GSK3B: variants seen among roughly 807,000 people sequenced by gnomAD.
GSK3B encodes glycogen synthase kinase-3 beta.
A neutral mutation model predicts 56.4 loss-of-function variants in GSK3B; 15 were observed. The ratio of observed to expected loss-of-function variants is 0.27; its 90% confidence interval spans 0.18 to 0.41. The LOEUF (loss-of-function observed/expected upper bound fraction) is 0.41. Among genes scored for constraint, GSK3B ranks in the 10% least tolerant of loss-of-function variants. The pLI is 1.00. For synonymous variants in GSK3B, 181 were observed against 188.9 expected (o/e 0.96, Z 0.34); for missense variants, 300 against 513.4 (o/e 0.58, Z 4.02).
chr3:119,865,462 ATATATTTTTTTT>A (rs1223520731), intron 8 of GSK3B, among the ~76,000 whole-genome samples: 6 of 27,130 alleles, frequency 2.2e-4, no homozygotes, highest in East Asian at 1.4e-3. Flanking sequence ...ATATATATAT[ATATATTTTTTTT>A]TTTTTTTTTT....
chr3:120,052,811 T>C (rs184779273), intron 1 of GSK3B, among the ~76,000 whole-genome samples: 3 of 152,338 alleles, frequency 2.0e-5, no homozygotes, highest in Admixed American at 2.0e-4. Context: ...TAACAGCTGT[T>C]TACTGAGTAA....
chr3:119,959,419 G>A (rs1182505482), intron 2 of GSK3B, among the ~76,000 whole-genome samples: 1 of 150,944 alleles, frequency 6.6e-6, no homozygotes, highest in African/African-American at 2.4e-5. Context: ...TCTACCCATA[G>A]CTTTCCCCAT....
chr3:119,997,039 T>C (rs772380372), intron 2 of GSK3B, among the ~76,000 whole-genome samples: 5 of 152,176 alleles, frequency 3.3e-5, no homozygotes, highest in Non-Finnish European at 5.9e-5. Flanking sequence ...AATCAGTGTC[T>C]AATCATAATA....
chr3:119,907,691 G>A (rs1452768100), intron 6 of GSK3B, among the ~76,000 whole-genome samples: 2 of 152,220 alleles, frequency 1.3e-5, no homozygotes, highest in Non-Finnish European at 2.9e-5. Context: ...TCGGGTTCAT[G>A]TTAAAGTGAT....
At chr3:120,093,311 G>C (rs1181156138) in intron 1 of GSK3B, 36 bp downstream of exon 1, 2 of 1,297,116 alleles carry the variant, frequency 1.5e-6, no homozygotes, top group African/African-American at 1.5e-5. Flanking sequence ...TTAAGGGCGA[G>C]GTGGAAAAGG....
intron 8 of GSK3B, among the ~76,000 whole-genome samples, chr3:119,874,069 C>A (rs866731940): frequency 7.2e-5 from 11 of 152,162 alleles, no homozygotes; most frequent in Non-Finnish European, 1.2e-4. Flanking sequence ...AGATTTACAG[C>A]ATACATATTT....
chr3:119,880,310 C>T lies in GSK3B; in HGVS notation c.814-3802G>A, dbSNP rs567433156. Reference sequence around the variant, plus strand: ...TCAGATCTTTTGTCCATTTCAAAATCAGATTATTAGATATTTTTCCTATAA... The same window carrying T: ...TCAGATCTTTTGTCCATTTCAAAATTAGATTATTAGATATTTTTCCTATAA... On this transcript the variant is annotated intron_variant, in intron 7 of 10. Coordinates refer to ENST00000264235, the MANE Select transcript of GSK3B (RefSeq NM_001146156.2). Among the ~76,000 whole-genome samples, 3 of 152,268 alleles carry T rather than the reference C, an allele frequency of 2.0e-5. No individual in the cohort carries two copies. The East Asian group carries it at 5.8e-4, about 29-fold the overall frequency.
chr3:119,850,773 T>G (rs988074213), intron 9 of GSK3B, among the ~76,000 whole-genome samples: 1 of 152,124 alleles, frequency 6.6e-6, no homozygotes, highest in African/African-American at 2.4e-5. Context: ...GTATGTATTC[T>G]TGAAGGCAGA....
intron 1 of GSK3B, among the ~76,000 whole-genome samples, chr3:120,037,935 AAAAATATAT>A (rs2058035896): frequency 6.6e-6 from 1 of 152,194 alleles, no homozygotes; most frequent in Non-Finnish European, 1.5e-5. Flanking sequence ...CTGATGAATA[AAAAATATAT>A]AAAACATCTA....
intron 2 of GSK3B, among the ~76,000 whole-genome samples, chr3:119,977,383 T>C (rs1047322849): frequency 1.1e-4 from 17 of 152,152 alleles, no homozygotes; most frequent in Non-Finnish European, 7.3e-5. Flanking sequence ...ATTCCCAGCC[T>C]ATATGACTGA....
chr3:119,898,625 A>G (rs1306383934), intron 7 of GSK3B, among the ~76,000 whole-genome samples: 1 of 152,118 alleles, frequency 6.6e-6, no homozygotes, highest in Non-Finnish European at 1.5e-5. Flanking sequence ...TAGAGGCTAT[A>G]AATTGAGCTA....
At chr3:120,001,455 C>T (rs1333100593) in intron 2 of GSK3B, among the ~76,000 whole-genome samples, 3 of 152,338 alleles carry the variant, frequency 2.0e-5, no homozygotes, top group African/African-American at 7.2e-5. Flanking sequence ...GATGCACCTA[C>T]TCGCCCTTCA....
intron 2 of GSK3B, among the ~76,000 whole-genome samples, chr3:119,948,327 A>G (rs1334503309): frequency 2.6e-5 from 4 of 152,194 alleles, no homozygotes; most frequent in African/African-American, 9.6e-5. Flanking sequence ...AGAACCAGAT[A>G]AAGATAGCTA....
intron 1 of GSK3B, among the ~76,000 whole-genome samples, chr3:120,027,379 GAAAA>G (rs199837392): frequency 8.9e-6 from 1 of 112,478 alleles, no homozygotes. Context: ...TCTGTCTCAG[GAAAA>G]AAAAAAAAAA....
At chr3:119,907,604 T>C (rs78324562) in intron 6 of GSK3B, among the ~76,000 whole-genome samples, 3,943 of 152,172 alleles carry the variant, frequency 0.026, 174 homozygotes, top group African/African-American at 0.089. Flanking sequence ...ACCGGAAAAA[T>C]AGAAATAGTG....
chr3:119,884,846 T>C (rs1015178100), intron 7 of GSK3B, among the ~76,000 whole-genome samples: 8 of 151,980 alleles, frequency 5.3e-5, no homozygotes, highest in Non-Finnish European at 2.9e-5. Flanking sequence ...TCTACCCCTA[T>C]CATGGTAATT....
At chr3:119,912,560 T>C (rs1161584793) in intron 6 of GSK3B, 144 bp downstream of exon 6, 1 of 453,534 alleles carries the variant, frequency 2.2e-6, no homozygotes, top group Non-Finnish European at 4.0e-6. Context: ...CCTATACATG[T>C]TTGCATCTCA....
intron 1 of GSK3B, among the ~76,000 whole-genome samples, chr3:120,073,258 G>A (rs2058342865): frequency 6.7e-6 from 1 of 149,604 alleles, no homozygotes; most frequent in East Asian, 1.9e-4. Context: ...GCATGGTGGT[G>A]CGGGCCTGTA....
intron 4 of GSK3B, among the ~76,000 whole-genome samples, chr3:119,922,054 T>C (rs1262954719): frequency 6.6e-6 from 1 of 151,886 alleles, no homozygotes; most frequent in Non-Finnish European, 1.5e-5. Context: ...GGAGAATCGC[T>C]TGAACCCAGA....
Sources: allele counts gnomAD v4.1 joint callset (sites outside exome capture counted in the v4.1 genomes callset), GRCh38; gene constraint gnomAD v4.1.1; transcripts MANE v1.5; gene names NCBI Gene and HGNC (gene_info 2026-07-23, HGNC 2026-07-21).